The following FRMPD4 variants were observed in gnomAD, a reference collection of about 807,000 sequenced individuals.
FRMPD4 encodes FERM and PDZ domain-containing protein 4.
In FRMPD4, 22 loss-of-function variants were observed where a neutral mutation model predicts 94.1. The ratio of observed to expected loss-of-function variants is 0.23; its 90% CI spans 0.17 to 0.33. The LOEUF (loss-of-function observed/expected upper bound fraction) is 0.33. Among genes scored for constraint, FRMPD4 ranks in the 10% least tolerant of loss-of-function variants. The pLI, the probability that FRMPD4 is intolerant of heterozygous loss-of-function variation, is 1.00. For synonymous variants in FRMPD4, 631 were observed against 548.6 expected, an observed-to-expected ratio of 1.15 and a Z score of -2.10; for missense variants, 1,111 against 1,339.9, an observed-to-expected ratio of 0.83 and a Z score of 2.67.
chrX:11,995,452 T>C (rs961009546), intron 3 of FRMPD4, among the ~76,000 whole-genome samples: 7 of 111,285 alleles, frequency 6.3e-5, no homozygotes, highest in Non-Finnish European at 1.9e-5. Context: ...TTCTGAGGTT[T>C]CCCATTTTAG....
At chrX:12,064,816 A>G (rs1049003986) in intron 3 of FRMPD4, among the ~76,000 whole-genome samples, 1 of 112,216 alleles carries the variant, frequency 8.9e-6, no homozygotes, top group African/African-American at 3.2e-5. Flanking sequence ...CTCCAAAACA[A>G]TTGAAAATGT....
chrX:12,126,264 G>A (rs1480098899), intron 3 of FRMPD4, among the ~76,000 whole-genome samples: 2 of 112,100 alleles, frequency 1.8e-5, no homozygotes, highest in Non-Finnish European at 3.8e-5. Context: ...ACATCTGTCT[G>A]CCGATTGATG....
At chrX:12,549,056 C>T (rs1458203405) in intron 2 of FRMPD4, among the ~76,000 whole-genome samples, 1 of 111,364 alleles carries the variant, frequency 9.0e-6, no homozygotes, top group African/African-American at 3.3e-5. Context: ...ACTTCCTGTT[C>T]TCCCCTCTTT....
chrX:11,932,987 C>A (rs1263977686), intron 3 of FRMPD4, among the ~76,000 whole-genome samples: 1 of 112,153 alleles, frequency 8.9e-6, no homozygotes, highest in African/African-American at 3.2e-5. Flanking sequence ...GCACTGCTTT[C>A]TCACTGTCAG....
intron 1 of FRMPD4, among the ~76,000 whole-genome samples, chrX:12,392,808 T>C (rs1362438462): frequency 8.9e-6 from 1 of 111,882 alleles, no homozygotes; most frequent in Non-Finnish European, 1.9e-5. Context: ...AAGACCATCC[T>C]ATTTAATCTA....
At chrX:12,401,984 G>A (rs2056613930) in intron 1 of FRMPD4, among the ~76,000 whole-genome samples, 1 of 111,239 alleles carries the variant, frequency 9.0e-6, no homozygotes, top group African/African-American at 3.3e-5. Flanking sequence ...TTGGGGGATA[G>A]TGGGGTGGAG....
intron 2 of FRMPD4, among the ~76,000 whole-genome samples, chrX:12,534,626 A>G (rs754136391): frequency 8.9e-6 from 1 of 112,671 alleles, no homozygotes; most frequent in South Asian, 3.7e-4. Context: ...CATGGTAGTC[A>G]AAGAGATCAT....
At chrX:12,178,685 G>T (rs192734900) in intron 1 of FRMPD4, among the ~76,000 whole-genome samples, 81 of 112,039 alleles carry the variant, frequency 7.2e-4, no homozygotes, top group Non-Finnish European at 1.4e-3. Context: ...AACAAATAAG[G>T]TGTATGTCGT....
intron 3 of FRMPD4, among the ~76,000 whole-genome samples, chrX:12,058,150 T>C (rs1361816738): frequency 1.8e-5 from 2 of 111,231 alleles, no homozygotes; most frequent in Admixed American, 1.9e-4. Context: ...GACCAGACAA[T>C]GATTTGTGAC....
intron 1 of FRMPD4, among the ~76,000 whole-genome samples, chrX:12,389,303 G>T (rs1402164731): frequency 2.7e-5 from 3 of 109,603 alleles, no homozygotes; most frequent in Non-Finnish European, 5.7e-5. Context: ...GGGAAACCCT[G>T]TCTCTACTAC....
intron 1 of FRMPD4, among the ~76,000 whole-genome samples, chrX:12,216,228 C>T (rs1013855867): frequency 9.0e-6 from 1 of 111,398 alleles, no homozygotes; most frequent in Non-Finnish European, 1.9e-5. Context: ...AAGACTCAGC[C>T]AGCTCAGGAC....
intron 1 of FRMPD4, among the ~76,000 whole-genome samples, chrX:11,843,287 C>G (rs1223751396): frequency 9.0e-6 from 1 of 111,145 alleles, no homozygotes; most frequent in Non-Finnish European, 1.9e-5. Context: ...TTGGCCGCTT[C>G]TCTGTAGTCT....
chrX:12,360,961 A>AG (rs1006222195), intron 1 of FRMPD4, among the ~76,000 whole-genome samples: 2 of 106,459 alleles, frequency 1.9e-5, no homozygotes, highest in Non-Finnish European at 3.8e-5. Flanking sequence ...TGAAAAGAAA[A>AG]AAAAAAAAAA....
chrX:11,992,151 A>AAAT (rs1033976057), intron 3 of FRMPD4, among the ~76,000 whole-genome samples: 1 of 110,754 alleles, frequency 9.0e-6, no homozygotes, highest in African/African-American at 3.3e-5. Flanking sequence ...AGAAAAAAAA[A>AAAT]ATCCCTTGTT....
At chrX:12,470,900 T>C (rs377272443) in intron 1 of FRMPD4, among the ~76,000 whole-genome samples, 15 of 111,912 alleles carry the variant, frequency 1.3e-4, no homozygotes, top group African/African-American at 2.6e-4. Context: ...TAAGCCCTCA[T>C]TGGTTACCTC....
At chrX:11,941,254 C>T (rs932284423) in intron 3 of FRMPD4, among the ~76,000 whole-genome samples, 3 of 52,312 alleles carry the variant, frequency 5.7e-5, no homozygotes, top group African/African-American at 9.9e-5. Context: ...TCTTCTGCGT[C>T]GCTCACGCTG....
intron 3 of FRMPD4, among the ~76,000 whole-genome samples, chrX:12,076,326 A>ATGTG (rs2055015010): frequency 1.1e-5 from 1 of 91,312 alleles, no homozygotes; most frequent in Admixed American, 1.2e-4. Flanking sequence ...CCCTAGCAAA[A>ATGTG]CGTGTGTGTG....
chrX:11,883,050 C>T (rs2053822785), intron 3 of FRMPD4, among the ~76,000 whole-genome samples: 1 of 111,861 alleles, frequency 8.9e-6, no homozygotes, highest in Non-Finnish European at 1.9e-5. Context: ...CTGCCAGGCG[C>T]TACTCTAGGC....
At chrX:12,708,670 A>G (rs190805147) in intron 13 of FRMPD4, among the ~76,000 whole-genome samples, 29 of 111,716 alleles carry the variant, frequency 2.6e-4, no homozygotes, top group Admixed American at 5.7e-4. Flanking sequence ...TAGTGACTCC[A>G]CAAAGGAGAC....
Sources: allele counts gnomAD v4.1 joint callset (sites outside exome capture counted in the v4.1 genomes callset), GRCh38; gene constraint gnomAD v4.1.1; transcripts MANE v1.5; gene names NCBI Gene and HGNC (gene_info 2026-07-23, HGNC 2026-07-21).